Variants in DAB1 observed in about 807,000 individuals in gnomAD.
The protein encoded by DAB1 is disabled homolog 1.
A neutral mutation model predicts 64.6 loss-of-function variants in DAB1; 15 were observed. The observed-to-expected ratio is 0.23, with a 90% CI of 0.16 to 0.36. The LOEUF (loss-of-function observed/expected upper bound fraction) is 0.36. DAB1 is among the 10% of genes least tolerant of loss of function. DAB1 has a pLI of 1.00. For synonymous variants in DAB1, 235 were observed against 251.9 expected (o/e 0.93, Z 0.64); for missense variants, 596 against 706.7 (o/e 0.84, Z 1.78).
At chr1:57,660,894 G>C (rs1646378637) in intron 6 of DAB1, among the ~76,000 whole-genome samples, 1 of 152,184 alleles carries the variant, frequency 6.6e-6, no homozygotes, top group Admixed American at 6.5e-5. Context: ...TTCCCACTCT[G>C]ACTGGCCCTG....
intron 1 of DAB1, chr1:57,864,633 A>G: frequency 6.6e-6 from 1 of 151,156 alleles, no homozygotes; most frequent in East Asian, 1.9e-4. Flanking sequence ...TACTGTATCT[A>G]ATTTCTTATT....
chr1:57,319,758 G>A (rs1675538335), intron 1 of DAB1, among the ~76,000 whole-genome samples: 1 of 152,060 alleles, frequency 6.6e-6, no homozygotes, highest in Non-Finnish European at 1.5e-5. Flanking sequence ...AATAAACAGA[G>A]GGTAGGTGGG....
At chr1:57,474,839 G>A (rs1157514184) in intron 7 of DAB1, among the ~76,000 whole-genome samples, 1 of 152,134 alleles carries the variant, frequency 6.6e-6, no homozygotes, top group East Asian at 1.9e-4. Flanking sequence ...TTATAGTGAT[G>A]TCAAGTGCTC....
chr1:57,233,494 C>A (rs983680987), intron 2 of DAB1, among the ~76,000 whole-genome samples: 3 of 151,970 alleles, frequency 2.0e-5, no homozygotes, highest in African/African-American at 7.2e-5. Context: ...GGTGCGGTGG[C>A]TCACACCTGT....
At chr1:57,152,204 G>A (rs35559288) in intron 2 of DAB1, among the ~76,000 whole-genome samples, 4,266 of 152,272 alleles carry the variant, frequency 0.028, 100 homozygotes, top group South Asian at 0.073. Context: ...ACCTCTGGCA[G>A]GTCAGGAGTG....
chr1:58,335,594 C>G (rs551116672), intron 4 of DAB1, among the ~76,000 whole-genome samples: 25 of 128,518 alleles, frequency 1.9e-4, no homozygotes, highest in African/African-American at 7.2e-4. Flanking sequence ...AGCCTGGAGG[C>G]CAGGGTGGAA....
chr1:57,415,437 A>G (rs1355496285), intron 1 of DAB1, among the ~76,000 whole-genome samples: 1 of 152,196 alleles, frequency 6.6e-6, no homozygotes, highest in African/African-American at 2.4e-5. Flanking sequence ...GCTAACCATA[A>G]AAGATTGATA....
chr1:58,044,947 C>A (rs1046053945), intron 5 of DAB1, among the ~76,000 whole-genome samples: 1 of 152,038 alleles, frequency 6.6e-6, no homozygotes. Flanking sequence ...AAGTAGTATG[C>A]CCAAGGTCAC....
intron 5 of DAB1, among the ~76,000 whole-genome samples, chr1:58,033,753 G>A (rs1404106378): frequency 1.3e-5 from 2 of 152,174 alleles, no homozygotes; most frequent in African/African-American, 4.8e-5. Flanking sequence ...ACATTTTGAA[G>A]ATGAACAAAA....
intron 2 of DAB1, among the ~76,000 whole-genome samples, chr1:57,256,853 C>T (rs1348194383): frequency 1.3e-5 from 2 of 152,212 alleles, no homozygotes; most frequent in Non-Finnish European, 2.9e-5. Flanking sequence ...GACTAGCTGG[C>T]CTCTGTTTGC....
chr1:57,210,843 T>A (rs1442804608), intron 2 of DAB1, among the ~76,000 whole-genome samples: 2 of 152,262 alleles, frequency 1.3e-5, no homozygotes, highest in African/African-American at 4.8e-5. Flanking sequence ...TAGTTTTCAC[T>A]GCCTATGCAT....
intron 11 of DAB1, among the ~76,000 whole-genome samples, chr1:57,016,360 T>C (rs759890594): frequency 1.3e-5 from 2 of 152,102 alleles, no homozygotes; most frequent in African/African-American, 4.8e-5. Flanking sequence ...GGTGGGAGGA[T>C]TGCTTGAGGC....
chr1:57,033,381 CT>C, intron 9 of DAB1: 1 of 1,612,872 alleles, frequency 6.2e-7, no homozygotes. Flanking sequence ...ACCTCAAGGC[CT>C]TACCTTCGTT....
intron 5 of DAB1, among the ~76,000 whole-genome samples, chr1:58,141,192 G>A (rs750760571): frequency 1.3e-5 from 2 of 152,158 alleles, no homozygotes; most frequent in Non-Finnish European, 2.9e-5. Flanking sequence ...GGACATACCC[G>A]AGACTGGGTA....
intron 1 of DAB1, among the ~76,000 whole-genome samples, chr1:57,310,126 C>G (rs537410688): frequency 1.2e-3 from 181 of 152,294 alleles, no homozygotes; most frequent in African/African-American, 4.2e-3. Context: ...ATAAATCAAT[C>G]AAGTCTATCA....
intron 3 of DAB1, among the ~76,000 whole-genome samples, chr1:58,473,314 G>A (rs958426523): frequency 4.6e-5 from 7 of 151,424 alleles, no homozygotes; most frequent in African/African-American, 1.2e-4. Context: ...AGGCCGAGGC[G>A]GGTGGATCAC....
At chr1:58,031,824 G>A (rs1053682016) in intron 5 of DAB1, among the ~76,000 whole-genome samples, 8 of 152,106 alleles carry the variant, frequency 5.3e-5, no homozygotes, top group Non-Finnish European at 1.2e-4. Flanking sequence ...GCTGAGGAAG[G>A]TTTAGACTCT....
intron 5 of DAB1, among the ~76,000 whole-genome samples, chr1:57,917,893 G>C (rs982357426): frequency 6.6e-6 from 1 of 151,916 alleles, no homozygotes; most frequent in South Asian, 2.1e-4. Flanking sequence ...TAATAATGAG[G>C]TATCATTTTC....
intron 4 of DAB1, among the ~76,000 whole-genome samples, chr1:58,242,870 C>A (rs1252569998): frequency 6.6e-6 from 1 of 151,862 alleles, no homozygotes; most frequent in African/African-American, 2.4e-5. Context: ...TGAAACAGTT[C>A]GCCCTCATAT....
Sources: gnomAD v4.1 joint callset for allele counts (sites outside exome capture counted in the v4.1 genomes callset) on GRCh38, gnomAD v4.1.1 for gene constraint, MANE v1.5 for transcripts, NCBI Gene and HGNC (gene_info 2026-07-23, HGNC 2026-07-21) for gene names.